The following ADGRB3 variants were observed in gnomAD, a reference collection of about 807,000 sequenced individuals.
The protein encoded by ADGRB3 is brain-specific angiogenesis inhibitor 3.
ADGRB3 carries 37 observed loss-of-function variants against 193.4 expected under a neutral mutation model. That is an observed-to-expected ratio of 0.19 (90% CI 0.15 to 0.25). The LOEUF (loss-of-function observed/expected upper bound fraction) is 0.25. Ranked by LOEUF, ADGRB3 falls within the 10% of genes least tolerant of loss-of-function variation. The pLI, the probability that ADGRB3 is intolerant of heterozygous loss-of-function variation, is 1.00. For missense variants in ADGRB3, 1,637 were observed against 1,852.9 expected (o/e 0.88, Z 2.14); for synonymous variants, 690 against 644.2 (o/e 1.07, Z -1.08).
intron 13 of ADGRB3, among the ~76,000 whole-genome samples, chr6:69,027,135 G>GCC (rs1770456830): frequency 6.6e-6 from 1 of 151,192 alleles, no homozygotes; most frequent in African/African-American, 2.4e-5. Flanking sequence ...CAAACATATT[G>GCC]TACAGCTGTA....
chr6:69,311,349 G>C (rs1355715110), intron 20 of ADGRB3, among the ~76,000 whole-genome samples: 6 of 151,764 alleles, frequency 4.0e-5, no homozygotes, highest in Non-Finnish European at 8.9e-5. Flanking sequence ...TATCGTTGCA[G>C]AGGACTGGAA....
At chr6:68,926,997 G>T (rs956865342) in intron 3 of ADGRB3, among the ~76,000 whole-genome samples, 2 of 151,936 alleles carry the variant, frequency 1.3e-5, no homozygotes, top group Admixed American at 1.3e-4. Context: ...TTGCTTTTTA[G>T]CAAGAAGCAC....
intron 17 of ADGRB3, among the ~76,000 whole-genome samples, chr6:69,138,599 A>G (rs1214322529): frequency 6.6e-6 from 1 of 152,190 alleles, no homozygotes; most frequent in East Asian, 1.9e-4. Flanking sequence ...GCTCAATGTC[A>G]GGTTCTTTGG....
intron 26 of ADGRB3, among the ~76,000 whole-genome samples, chr6:69,342,543 C>G (rs1768999152): frequency 6.6e-6 from 1 of 152,012 alleles, no homozygotes; most frequent in Non-Finnish European, 1.5e-5. Context: ...TTCTTTTTGA[C>G]CTTCTAAAGG....
intron 17 of ADGRB3, among the ~76,000 whole-genome samples, chr6:69,129,009 A>C (rs757480108): frequency 1.3e-5 from 2 of 152,168 alleles, no homozygotes; most frequent in Non-Finnish European, 2.9e-5. Flanking sequence ...GCATTTTAGT[A>C]AGCCTTTCTT....
chr6:69,066,657 G>T (rs1443698866), intron 16 of ADGRB3, among the ~76,000 whole-genome samples: 1 of 152,060 alleles, frequency 6.6e-6, no homozygotes, highest in Non-Finnish European at 1.5e-5. Flanking sequence ...TTTTCAGGCT[G>T]ATGGCTTCAT....
intron 13 of ADGRB3, among the ~76,000 whole-genome samples, chr6:69,021,550 G>T (rs1770270618): frequency 6.6e-6 from 1 of 151,824 alleles, no homozygotes; most frequent in Non-Finnish European, 1.5e-5. Flanking sequence ...TGAAATGCTG[G>T]AACAATAATA....
chr6:69,002,055 G>A (rs1769594012), intron 11 of ADGRB3, among the ~76,000 whole-genome samples: 1 of 152,110 alleles, frequency 6.6e-6, no homozygotes, highest in African/African-American at 2.4e-5. Context: ...CTAGGTTTAA[G>A]AAATTTGTTT....
intron 17 of ADGRB3, among the ~76,000 whole-genome samples, chr6:69,199,788 T>C (rs945338793): frequency 1.3e-5 from 2 of 152,102 alleles, no homozygotes; most frequent in Non-Finnish European, 2.9e-5. Flanking sequence ...ATTTAGAAAT[T>C]ATTTGAGCTC....
At chr6:68,643,016 A>G (rs1415231763) in intron 3 of ADGRB3, among the ~76,000 whole-genome samples, 1 of 152,234 alleles carries the variant, frequency 6.6e-6, no homozygotes, top group Non-Finnish European at 1.5e-5. Context: ...CTTCATTTAT[A>G]ATAAATGATT....
intron 8 of ADGRB3, among the ~76,000 whole-genome samples, chr6:68,957,535 T>A (rs113516422): frequency 0.012 from 1,878 of 152,254 alleles, 33 homozygotes; most frequent in African/African-American, 0.041. Context: ...TTTGACAATA[T>A]AGTGCCAACG....
chr6:68,692,015 A>G (rs1408307565), intron 3 of ADGRB3, among the ~76,000 whole-genome samples: 1 of 151,870 alleles, frequency 6.6e-6, no homozygotes, highest in African/African-American at 2.4e-5. Flanking sequence ...GAAGATTTAC[A>G]AAAGAATGGC....
At chr6:69,205,673 A>G (rs945208090) in intron 17 of ADGRB3, among the ~76,000 whole-genome samples, 1 of 152,136 alleles carries the variant, frequency 6.6e-6, no homozygotes, top group Non-Finnish European at 1.5e-5. Flanking sequence ...CTCTTGGGCC[A>G]AACATATCTT....
rs1281615361 is a variant in ADGRB3, at chr6:69,103,967, T to C, written c.2480+27929T>C. Among the ~76,000 whole-genome samples, 12 of 152,242 alleles carry C rather than the reference T, an allele frequency of 7.9e-5. No individual in the cohort carries two copies. In the East Asian group the frequency reaches 2.1e-3, roughly 27 times the overall value. On this transcript the variant is annotated intron_variant, in intron 17 of 31. Transcript: ENST00000370598. ...ATTATACATTAATATTGTTAGGCAC[T>C]GAATAATCATCTATTCTGAAGTTGG...
intron 3 of ADGRB3, among the ~76,000 whole-genome samples, chr6:68,877,807 T>C (rs1765633699): frequency 6.6e-6 from 1 of 152,180 alleles, no homozygotes; most frequent in South Asian, 2.1e-4. Flanking sequence ...CTAACTAGAA[T>C]AATCATCACA....
intron 6 of ADGRB3, among the ~76,000 whole-genome samples, chr6:68,954,682 G>GT (rs1369212374): frequency 1.4e-5 from 2 of 139,790 alleles, no homozygotes; most frequent in Non-Finnish European, 1.6e-5. Context: ...TCGTTCAATG[G>GT]CTTTTTTTTT....
At chr6:69,202,542 A>G (rs1765447215) in intron 17 of ADGRB3, among the ~76,000 whole-genome samples, 1 of 152,104 alleles carries the variant, frequency 6.6e-6, no homozygotes, top group African/African-American at 2.4e-5. Flanking sequence ...TGCACCTGCA[A>G]TATTAATAGA....
chr6:69,117,450 C>A (rs1440713327), intron 17 of ADGRB3, among the ~76,000 whole-genome samples: 2 of 152,092 alleles, frequency 1.3e-5, no homozygotes, highest in Non-Finnish European at 2.9e-5. Flanking sequence ...ATTAATATTT[C>A]TTTGTCTTTA....
chr6:69,110,443 T>A (rs1250045315), intron 17 of ADGRB3, among the ~76,000 whole-genome samples: 1 of 152,124 alleles, frequency 6.6e-6, no homozygotes. Flanking sequence ...CCACAATAAG[T>A]TAATTAGGAA....
Sources: gnomAD v4.1 joint callset for allele counts (sites outside exome capture counted in the v4.1 genomes callset) on GRCh38, gnomAD v4.1.1 for gene constraint, MANE v1.5 for transcripts, NCBI Gene and HGNC (gene_info 2026-07-23, HGNC 2026-07-21) for gene names.